Variants in TYMS observed in about 807,000 individuals in gnomAD.
TYMS encodes thymidylate synthetase.
A neutral mutation model predicts 39.3 loss-of-function variants in TYMS; 21 were observed. The observed-to-expected ratio is 0.54, with a 90% CI of 0.38 to 0.77. TYMS has a LOEUF of 0.77. Ranked by LOEUF, TYMS falls within the 30% of genes least tolerant of loss-of-function variation. The pLI, the probability that TYMS is intolerant of heterozygous loss-of-function variation, is 0.00. For synonymous variants in TYMS, 171 were observed against 162.2 expected (o/e 1.05, Z -0.41); for missense variants, 273 against 406.7 (o/e 0.67, Z 2.83).
rs2144259271 is a variant in TYMS, at chr18:660,030, T to G, written c.279+316T>G. Among the ~76,000 whole-genome samples, 1 of 152,310 alleles carries G rather than the reference T, an allele frequency of 6.6e-6. No homozygotes were observed. The highest frequency in any genetic ancestry group is 3.4e-3 in the Middle Eastern group (1 of 294). Reference sequence around the variant, plus strand: ...TTGTAGTGAGCTGAGATCGTGGCACTGTACTCCAGCCTGGGCGACAGAGGG... The same window carrying G: ...TTGTAGTGAGCTGAGATCGTGGCACGGTACTCCAGCCTGGGCGACAGAGGG... On this transcript the variant is annotated intron_variant, in intron 2 of 6. Transcript: ENST00000323274. This position sits in a 1 kb window ranked among gnomAD's most constrained non-coding sequence, Gnocchi z 4.6.
At position 673,342 on chromosome 18, in the gene TYMS, G is replaced by A. The variant is rs1447237769; in HGVS notation, c.*345G>A. 4 of 231,876 alleles carry A rather than the reference G, an allele frequency of 1.7e-5. No homozygotes were observed. The highest frequency in any genetic ancestry group is 3.4e-5 in the Non-Finnish European group (4 of 117,836). 14.4% of individuals were successfully genotyped at this position (231,876 alleles called of 1,614,324 possible). On this transcript the variant is annotated 3_prime_UTR_variant, in exon 7 of 7. Transcript: ENST00000323274. ...TTGGTGAATTTCACAAGCTATTTTT[G>A]GAATATTTTTAGAATATTTTAAGAA... is the stretch of plus-strand genomic sequence containing the variant.
chr18:667,545 G>A (rs2074878042), intron 3 of TYMS, among the ~76,000 whole-genome samples: 1 of 90,630 alleles, frequency 1.1e-5, no homozygotes, highest in Non-Finnish European at 2.0e-5. Context: ...TGATGGTGAT[G>A]GTGATGGAGA....
At chr18:671,012 T>A in intron 5 of TYMS, 145 bp downstream of exon 5, 1 of 992,838 alleles carries the variant, frequency 1.0e-6, no homozygotes, top group Non-Finnish European at 1.4e-6. Flanking sequence ...CAGCTTTTAC[T>A]TTGAAACCTT....
Position 673,211 on chromosome 18 carries a change from G to GT in TYMS, c.*215dup, listed in dbSNP as rs1409631048. Reference sequence around the variant, plus strand: ...AAGGCTTTGAGTTAACTCACTGAGGGTATCTGACAATGCTGAGGTTATGAA... The same window carrying GT: ...AAGGCTTTGAGTTAACTCACTGAGGGTTATCTGACAATGCTGAGGTTATGAA... On this transcript the variant is annotated 3_prime_UTR_variant, in exon 7 of 7. Transcript: ENST00000323274. The GT allele has an allele frequency of 1.2e-5, 5 of 425,118 alleles. No homozygotes were observed. Among genetic ancestry groups the GT allele is most frequent in the Non-Finnish European group, 2.1e-5 (5 of 243,126 alleles). The allele number at this position is 425,118 out of a possible 1,614,324, so 26.3% of individuals were successfully genotyped here. A position where few individuals can be genotyped will look rare whatever the true frequency, so the allele number is the denominator to read the frequency against.
At position 657,725 on chromosome 18, in the gene TYMS, TC is replaced by T; in HGVS notation, c.-13del. 1.5e-6 allele frequency: 2 copies of T among 1,329,608 alleles called. No individual in the cohort carries two copies. Among genetic ancestry groups the T allele is most frequent in the South Asian group, 2.1e-5 (1 of 47,456 alleles). The allele number at this position is 1,329,608 out of a possible 1,614,324, so 82.4% of individuals were successfully genotyped here. On this transcript the variant is annotated 5_prime_UTR_variant, in exon 1 of 7. Coordinates refer to ENST00000323274, the MANE Select transcript of TYMS (RefSeq NM_001071.4). ...CGCCGCGCCACTTCGCCTGCCTCCG[TC>T]CCCCGCCCGCCGCGCCATGCCTGTG...
In TYMS at chr18:657,766, G is replaced by GCCGCGCCGGCCCTTGCC. The variant is rs1223978642; in HGVS notation, c.27_43dup (p.Pro15ArgfsTer59). On this transcript the variant is annotated frameshift_variant, in exon 1 of 7. Transcript: ENST00000323274. LOFTEE classifies it high-confidence loss of function. ...CCATGCCTGTGGCCGGCTCGGAGCTGCCGCGCCGGCCCTTGCCCCCCGCCG... is the reference window on the plus strand; with the variant it reads ...CCATGCCTGTGGCCGGCTCGGAGCTGCCGCGCCGGCCCTTGCCCCGCGCCGGCCCTTGCCCCCCGCCG... 2.1e-6 allele frequency: 3 copies of GCCGCGCCGGCCCTTGCC among 1,430,566 alleles called. No homozygotes were observed. The African/African-American group carries it at 4.6e-5, about 22-fold the overall frequency. The allele number at this position is 1,430,566 out of a possible 1,614,324, so 88.6% of individuals were successfully genotyped here. A position where few individuals can be genotyped will look rare whatever the true frequency, so the allele number is the denominator to read the frequency against.
At chr18:671,110 C>T (rs1279077579) in intron 5 of TYMS, 1 of 619,964 alleles carries the variant, frequency 1.6e-6, no homozygotes, top group Non-Finnish European at 2.8e-6. Flanking sequence ...TGGATTTTCT[C>T]AAAAGCTATG....
chr18:659,913 T>C (rs2074739678), intron 2 of TYMS, among the ~76,000 whole-genome samples, 199 bp downstream of exon 2: 2 of 152,052 alleles, frequency 1.3e-5, no homozygotes, highest in Non-Finnish European at 2.9e-5. Flanking sequence ...TCTCTACTAA[T>C]AACACAAAAA....
chr18:664,779 G>A (rs1324594393), intron 3 of TYMS, among the ~76,000 whole-genome samples: 2 of 150,324 alleles, frequency 1.3e-5, no homozygotes, highest in Admixed American at 6.6e-5. Flanking sequence ...AGATAATCAT[G>A]TGGTTTTTGT....
chr18:658,360 T>G lies in TYMS; in HGVS notation c.205+413T>G, dbSNP rs889724531. 7.7e-6 allele frequency: 10 copies of G among 1,296,304 alleles called. No homozygotes were observed. In the African/African-American group the frequency reaches 1.5e-4, roughly 20 times the overall value. 80.3% of individuals were successfully genotyped at this position (1,296,304 alleles called of 1,614,324 possible). On this transcript the variant is annotated intron_variant, in intron 1 of 6. Transcript: ENST00000323274. The surrounding 1 kb of genome is among the most constrained non-coding windows in gnomAD (Gnocchi z 4.5). The stretch of plus-strand genomic sequence containing the variant: ...TCCTCCGTTTTCCCCTGTGGACCAT[T>G]CCGCTTCGCAGCGTTTTCAAAAACT...
intron 3 of TYMS, 89 bp from the exon 4 acceptor site, chr18:668,983 A>G: frequency 9.2e-7 from 1 of 1,085,826 alleles, no homozygotes; most frequent in East Asian, 2.5e-5. Flanking sequence ...GACCCTGGGT[A>G]AGAGACTGTA....
intron 3 of TYMS, among the ~76,000 whole-genome samples, chr18:666,266 G>C (rs1437199658): frequency 4.0e-5 from 6 of 151,578 alleles, no homozygotes; most frequent in Non-Finnish European, 1.5e-5. Flanking sequence ...GAAGTTCATC[G>C]GTGGGACAAG....
In TYMS at chr18:662,331, A is replaced by G. The variant is rs772121478; in HGVS notation, c.454+11A>G. On this transcript the variant is annotated intron_variant, in intron 3 of 6. Coordinates refer to ENST00000323274, the MANE Select transcript of TYMS (RefSeq NM_001071.4). Reference sequence around the variant, plus strand: ...GAGATATGGAATCAGGTGAGGAGATAGAACAATGCCTTCCATTTCCCGGGT... The same window carrying G: ...GAGATATGGAATCAGGTGAGGAGATGGAACAATGCCTTCCATTTCCCGGGT... 5 of 1,588,052 alleles carry G rather than the reference A, an allele frequency of 3.1e-6. No homozygotes were observed. The Admixed American group carries it at 9.4e-5, about 30-fold the overall frequency.
chr18:667,005 TGATGGTGATGGA>T (rs2074845098), intron 3 of TYMS, among the ~76,000 whole-genome samples: 3 of 5,000 alleles, frequency 6.0e-4, no homozygotes, highest in South Asian at 0.013. Flanking sequence ...ATGGAGATGG[TGATGGTGATGGA>T]GATGGAGATG....
chr18:667,991 A>AGTTTTTTTTTTTTTT (rs1491559672), intron 3 of TYMS, among the ~76,000 whole-genome samples: 1 of 74,894 alleles, frequency 1.3e-5, no homozygotes, highest in Non-Finnish European at 2.4e-5. Flanking sequence ...GATTCACAGG[A>AGTTTTTTTTTTTTTT]ATTTTTTTTT....
intron 3 of TYMS, among the ~76,000 whole-genome samples, chr18:666,927 TGATGGTGATGGA>T (rs1405736455): frequency 0.069 from 3,770 of 54,584 alleles, 754 homozygotes; most frequent in Non-Finnish European, 0.082. Flanking sequence ...ATGGAGATGG[TGATGGTGATGGA>T]GATGGTGATG....
chr18:666,947 ATGG>A (rs1567989573), intron 3 of TYMS, among the ~76,000 whole-genome samples: 5 of 32,688 alleles, frequency 1.5e-4, no homozygotes, highest in African/African-American at 5.7e-4. Context: ...GGAGATGGTG[ATGG>A]TGATGGAGAT....
At chr18:666,888 G>A (rs1033984891) in intron 3 of TYMS, among the ~76,000 whole-genome samples, 12 of 90,950 alleles carry the variant, frequency 1.3e-4, no homozygotes, top group Non-Finnish European at 1.9e-4. Flanking sequence ...GAAAAAGTTC[G>A]GGAGATGGTG....
chr18:661,724 G>A (rs956718161), intron 2 of TYMS, among the ~76,000 whole-genome samples: 6 of 152,204 alleles, frequency 3.9e-5, no homozygotes, highest in East Asian at 3.9e-4. Context: ...GGTGGCTCAC[G>A]CCTGTAATCC....
Sources: gnomAD v4.1 joint callset for allele counts (sites outside exome capture counted in the v4.1 genomes callset) on GRCh38, gnomAD v4.1.1 for gene constraint, Gnocchi (gnomAD v3.1) non-coding constraint, MANE v1.5 for transcripts, NCBI Gene and HGNC (gene_info 2026-07-23, HGNC 2026-07-21) for gene names.